Variants in FAM167A observed in about 807,000 individuals in gnomAD.
The protein encoded by FAM167A is family with sequence similarity 167 member A, also known as protein FAM167A.
Under a neutral mutation model 14.9 loss-of-function variants are expected in FAM167A, and 23 were observed. The observed-to-expected ratio is 1.55, with a 90% CI of 1.11 to 2.19. The LOEUF is 2.19. Ranked by LOEUF, FAM167A falls within the 30% of genes most tolerant of loss-of-function variation. The pLI is 0.00. For missense variants in FAM167A, 401 were observed against 281.5 expected (o/e 1.42, Z -3.04); for synonymous variants, 174 against 117.7 (o/e 1.48, Z -3.10).
chr8:11,434,798 G>C (rs1264485025), intron 2 of FAM167A: 1 of 342,478 alleles, frequency 2.9e-6, no homozygotes, highest in African/African-American at 2.2e-5. Flanking sequence ...CACAGAGAGA[G>C]GATGCTGATC....
rs1408017329 is a variant in FAM167A at position 11,424,078 on chromosome 8, G to A, written c.*295C>T. On this transcript the variant is annotated 3_prime_UTR_variant, in exon 3 of 3. Transcript: ENST00000284486. ...GATTCCAGGAAACAGGAACGTGACC[G>A]TGGAGGGATGGATTATGGTGGGAAC... The A allele has an allele frequency of 4.1e-5, 14 of 345,626 alleles. No homozygotes were observed. Among genetic ancestry groups the A allele is most frequent in the Non-Finnish European group, 7.0e-5 (13 of 186,632 alleles). The allele number at this position is 345,626 out of a possible 1,614,324, so 21.4% of individuals were successfully genotyped here.
intron 1 of FAM167A, among the ~76,000 whole-genome samples, chr8:11,458,525 A>C (rs1807417396): frequency 6.6e-6 from 1 of 152,192 alleles, no homozygotes; most frequent in Admixed American, 6.5e-5. Context: ...CCCCTGCCCC[A>C]GGAACACTCA....
intron 1 of FAM167A, among the ~76,000 whole-genome samples, chr8:11,460,000 T>C (rs1376171400): frequency 1.3e-5 from 2 of 152,234 alleles, no homozygotes; most frequent in Admixed American, 6.5e-5. Context: ...AGTGCTGCGA[T>C]TACAGGCGTG....
At chr8:11,461,307 T>A (rs189581057) in intron 1 of FAM167A, among the ~76,000 whole-genome samples, 1 of 152,034 alleles carries the variant, frequency 6.6e-6, no homozygotes, top group Non-Finnish European at 1.5e-5. Flanking sequence ...AAAGTAGCCA[T>A]GGGAAAAAAA....
intron 1 of FAM167A, among the ~76,000 whole-genome samples, chr8:11,464,517 C>T (rs1415929459): frequency 6.6e-6 from 1 of 152,198 alleles, no homozygotes; most frequent in South Asian, 2.1e-4. Flanking sequence ...TGTGCTTTTC[C>T]TTCCTGTCTC....
intron 2 of FAM167A, among the ~76,000 whole-genome samples, chr8:11,431,224 A>G (rs962899759): frequency 6.6e-6 from 1 of 152,256 alleles, no homozygotes; most frequent in Non-Finnish European, 1.5e-5. Flanking sequence ...AAAGGAAGAC[A>G]ATCCTGGCAC....
Position 11,426,364 on chromosome 8 carries a change from C to T in FAM167A, c.382-1728G>A, listed in dbSNP as rs1026858720. ...CACCTAGGGCGAGCTTTCTCAGGAC[C>T]TCATGAGACTGTTCCCTGGCCCATG... On this transcript the variant is annotated intron_variant, in intron 2 of 2. Coordinates refer to ENST00000284486, the MANE Select transcript of FAM167A (RefSeq NM_053279.3). 5.9e-5 allele frequency among the ~76,000 whole-genome samples: 9 copies of T among 152,320 alleles called. No individual in the cohort carries two copies. The South Asian group carries it at 6.2e-4, about 11-fold the overall frequency.
chr8:11,450,736 G>A (rs905683015), intron 1 of FAM167A, among the ~76,000 whole-genome samples: 6 of 152,202 alleles, frequency 3.9e-5, no homozygotes, highest in Non-Finnish European at 8.8e-5. Flanking sequence ...CACTCACAGC[G>A]ACCTGTCCTT....
intron 1 of FAM167A, among the ~76,000 whole-genome samples, chr8:11,462,405 A>G (rs923204369): frequency 6.6e-6 from 1 of 152,210 alleles, no homozygotes; most frequent in Non-Finnish European, 1.5e-5. Context: ...ACCAAATGAG[A>G]TCAAGTTTAC....
At chr8:11,455,075 G>T (rs559994717) in intron 1 of FAM167A, among the ~76,000 whole-genome samples, 53 of 152,346 alleles carry the variant, frequency 3.5e-4, no homozygotes, top group African/African-American at 1.2e-3. Context: ...ACATCCTGCC[G>T]AGACCTGACC....
chr8:11,436,750 C>G (rs1806046993), intron 2 of FAM167A, among the ~76,000 whole-genome samples: 1 of 152,224 alleles, frequency 6.6e-6, no homozygotes, highest in Non-Finnish European at 1.5e-5. Flanking sequence ...TGGGGCACAA[C>G]TGTTGGGATT....
chr8:11,430,685 G>A (rs141931387), intron 2 of FAM167A, among the ~76,000 whole-genome samples: 4 of 152,186 alleles, frequency 2.6e-5, no homozygotes, highest in East Asian at 3.9e-4. Flanking sequence ...CACTAAAGAT[G>A]GTAATTAAAT....
intron 1 of FAM167A, among the ~76,000 whole-genome samples, chr8:11,451,771 G>A (rs1173892152): frequency 6.6e-6 from 1 of 152,200 alleles, no homozygotes; most frequent in Non-Finnish European, 1.5e-5. Context: ...GGAGGCAAAT[G>A]TGAAGTGCAG....
upstream of FAM167A, among the ~76,000 whole-genome samples, chr8:11,471,373 G>C (rs1001769854): frequency 6.6e-6 from 1 of 152,182 alleles, no homozygotes. Context: ...AGAAGAGCTG[G>C]GCAGGTGAGG....
chr8:11,445,437 A>G, intron 1 of FAM167A: 1 of 985,828 alleles, frequency 1.0e-6, no homozygotes, highest in Non-Finnish European at 1.2e-6. Flanking sequence ...CTTCAGAGAC[A>G]GAAGCAAATA....
chr8:11,431,566 G>T (rs927116158), intron 2 of FAM167A, among the ~76,000 whole-genome samples: 14 of 152,304 alleles, frequency 9.2e-5, no homozygotes, highest in African/African-American at 2.9e-4. Context: ...AACAACAGCA[G>T]AGTCTGCAAA....
chr8:11,447,538 C>A (rs1419347328), intron 1 of FAM167A, among the ~76,000 whole-genome samples: 2 of 152,224 alleles, frequency 1.3e-5, no homozygotes, highest in Middle Eastern at 3.2e-3. Flanking sequence ...GCAGAAAACA[C>A]AGTGTGCACA....
chr8:11,465,286 T>C (rs1282140012), intron 1 of FAM167A, among the ~76,000 whole-genome samples: 1 of 152,072 alleles, frequency 6.6e-6, no homozygotes, highest in African/African-American at 2.4e-5. Flanking sequence ...ATGCCTCAGA[T>C]TTCCCAAAGC....
chr8:11,474,385 A>T (rs1328403776), intron 1 of FAM167A, among the ~76,000 whole-genome samples: 1 of 152,158 alleles, frequency 6.6e-6, no homozygotes, highest in African/African-American at 2.4e-5. Context: ...GCAAAACAGG[A>T]CGGCGCATGG....
Sources: allele counts gnomAD v4.1 joint callset (sites outside exome capture counted in the v4.1 genomes callset), GRCh38; gene constraint gnomAD v4.1.1; transcripts MANE v1.5; gene names NCBI Gene and HGNC (gene_info 2026-07-23, HGNC 2026-07-21).